CRLF3: variants seen among roughly 807,000 people sequenced by gnomAD.
CRLF3 encodes cytokine receptor-like factor 3.
In CRLF3, 33 loss-of-function variants were observed where a neutral mutation model predicts 55.0. The ratio of observed to expected loss-of-function variants is 0.60; its 90% CI spans 0.46 to 0.80. The LOEUF (loss-of-function observed/expected upper bound fraction) is 0.80, where lower values mean the gene tolerates loss of function less well. CRLF3 is among the 30% of genes least tolerant of loss of function. CRLF3 has a pLI of 0.00. For missense variants in CRLF3, 494 were observed against 538.4 expected, an observed-to-expected ratio of 0.92 and a Z score of 0.82; for synonymous variants, 238 against 196.8, an observed-to-expected ratio of 1.21 and a Z score of -1.75.
chr17:30,809,119 C>A (rs889528010), intron 1 of CRLF3, among the ~76,000 whole-genome samples: 1 of 152,286 alleles, frequency 6.6e-6, no homozygotes, highest in Admixed American at 6.5e-5. Flanking sequence ...AGAAAGAATT[C>A]AAAAGCTCCT....
At chr17:30,820,820 T>C (rs1444835325) in intron 1 of CRLF3, among the ~76,000 whole-genome samples, 3 of 94,922 alleles carry the variant, frequency 3.2e-5, no homozygotes, top group Admixed American at 1.2e-4. Flanking sequence ...AGCGAGACTC[T>C]CTCAAAAAAA....
chr17:30,793,598 T>G lies in CRLF3; in HGVS notation c.678A>C (p.Val226=). The change falls in exon 5 of 8, where the codon GTA becomes GTC. Residue 226 remains valine (V), a synonymous_variant. Coordinates refer to ENST00000324238, the MANE Select transcript of CRLF3 (RefSeq NM_015986.4). The part of the protein sequence containing the change: ...RKCTSNHFED[V]YVGSETEFIV... ...TGAATTCAGTTTCAGAACCTACATA[T>G]ACATCCTCAAAATGATTTGAAGTAC... 1.2e-6 allele frequency: 2 copies of G among 1,614,044 alleles called. No individual in the cohort carries two copies. Among genetic ancestry groups the G allele is most frequent in the South Asian group, 2.2e-5 (2 of 91,078 alleles).
chr17:30,824,297 G>A (rs1415913872), intron 1 of CRLF3, among the ~76,000 whole-genome samples: 2 of 151,704 alleles, frequency 1.3e-5, no homozygotes, highest in Non-Finnish European at 2.9e-5. Context: ...CCACAGTTTA[G>A]TGAACGCTCC....
Position 30,796,212 on chromosome 17 carries a change from T to A in CRLF3, c.551A>T (p.Gln184Leu). The A allele has an allele frequency of 6.2e-7, 1 of 1,613,990 alleles. No homozygotes were observed. Among genetic ancestry groups the A allele is most frequent in the Non-Finnish European group, 8.5e-7 (1 of 1,179,888 alleles). ...HGTVASRPPV[Q>L]IEELIEKPGG... The stretch of plus-strand genomic sequence containing the variant: ...AGGTTTCTCTATTAGTTCTTCTATC[T>A]GTACTGGTGGGCGAGATGCTACTGT... Residue 184 changes from glutamine to leucine, a missense_variant, in exon 4 of 8, where the codon CAG becomes CTG. Gln to Leu is a moderately radical substitution (Grantham distance 113, BLOSUM62 -2). Coordinates refer to ENST00000324238, the MANE Select transcript of CRLF3 (RefSeq NM_015986.4).
At chr17:30,807,910 A>G (rs1221532083) in intron 1 of CRLF3, among the ~76,000 whole-genome samples, 1 of 152,108 alleles carries the variant, frequency 6.6e-6, no homozygotes, top group Non-Finnish European at 1.5e-5. Flanking sequence ...GAAATCCTAA[A>G]TTAATTGTTA....
chr17:30,787,037 G>T (rs1142450), intron 6 of CRLF3, among the ~76,000 whole-genome samples: 2 of 152,112 alleles, frequency 1.3e-5, no homozygotes, highest in African/African-American at 4.8e-5. Flanking sequence ...GTTTCACCAT[G>T]TTGCTCAGGC....
chr17:30,790,220 T>G (rs1035286468), intron 6 of CRLF3, among the ~76,000 whole-genome samples: 1 of 152,126 alleles, frequency 6.6e-6, no homozygotes, highest in Admixed American at 6.6e-5. Flanking sequence ...CAAAAGGAAC[T>G]TGGGTCAAGC....
At chr17:30,801,083 ATTT>A (rs1555549022) in intron 2 of CRLF3, 2 of 145,738 alleles carry the variant, frequency 1.4e-5, no homozygotes, top group Non-Finnish European at 1.5e-5. Flanking sequence ...ACGCCTAGCT[ATTT>A]TTTTTTAAAA....
intron 1 of CRLF3, among the ~76,000 whole-genome samples, chr17:30,808,067 T>C (rs1025319696): frequency 1.3e-5 from 2 of 152,102 alleles, no homozygotes; most frequent in African/African-American, 4.8e-5. Flanking sequence ...CTCATCTACA[T>C]AGCATCTGGT....
At chr17:30,817,480 TATG>T (rs57231874) in intron 1 of CRLF3, among the ~76,000 whole-genome samples, 19,270 of 152,068 alleles carry the variant, frequency 0.13, 1,275 homozygotes, top group South Asian at 0.25. Flanking sequence ...TGTAAATGCT[TATG>T]ATGTTACCAA....
chr17:30,783,784 T>C lies in CRLF3; in HGVS notation c.*403A>G, dbSNP rs1971562959. 3.0e-5 allele frequency: 5 copies of C among 166,300 alleles called. No individual in the cohort carries two copies. In the South Asian group the frequency reaches 7.7e-4, roughly 26 times the overall value. 10.3% of individuals were successfully genotyped at this position (166,300 alleles called of 1,614,324 possible). A position where few individuals can be genotyped will look rare whatever the true frequency, so the allele number is the denominator to read the frequency against. ...AATACATTACACAGCTTCTTCTATC[T>C]GACCTATTCCTCTTGTTCTAAAGAG... On this transcript the variant is annotated 3_prime_UTR_variant, in exon 8 of 8. Transcript: ENST00000324238.
intron 1 of CRLF3, among the ~76,000 whole-genome samples, chr17:30,822,202 G>A (rs1366719790): frequency 1.3e-5 from 2 of 152,022 alleles, no homozygotes; most frequent in Non-Finnish European, 2.9e-5. Flanking sequence ...TGACTAAAGT[G>A]CCATATATTT....
At chr17:30,818,803 T>G (rs546819614) in intron 1 of CRLF3, among the ~76,000 whole-genome samples, 1 of 150,186 alleles carries the variant, frequency 6.7e-6, no homozygotes, top group East Asian at 2.0e-4. Context: ...GTCTTGGTTT[T>G]TTGAAATAAC....
At chr17:30,810,206 T>A (rs1214870510) in intron 1 of CRLF3, among the ~76,000 whole-genome samples, 1 of 152,218 alleles carries the variant, frequency 6.6e-6, no homozygotes, top group African/African-American at 2.4e-5. Context: ...TTTATGTTGA[T>A]CAATAATATT....
chr17:30,788,334 AAAAAG>A (rs576684013), intron 6 of CRLF3, among the ~76,000 whole-genome samples: 124 of 148,732 alleles, frequency 8.3e-4, no homozygotes, highest in East Asian at 7.4e-3. Flanking sequence ...TCAAAAAAAA[AAAAAG>A]AAAAGAAAAG....
chr17:30,806,389 T>G (rs992080015), intron 1 of CRLF3, among the ~76,000 whole-genome samples: 1 of 152,216 alleles, frequency 6.6e-6, no homozygotes, highest in African/African-American at 2.4e-5. Flanking sequence ...AGAAGAATCA[T>G]GTAGGCTACT....
rs562176228 is a variant in CRLF3 at position 30,796,244 on chromosome 17, C to G, written c.519G>C (p.Lys173Asn). 1.9e-6 allele frequency: 3 copies of G among 1,614,020 alleles called. No homozygotes were observed. The East Asian group carries it at 6.7e-5, about 36-fold the overall frequency. The stretch of plus-strand genomic sequence containing the variant: ...GTGGGCGAGATGCTACTGTTCCATG[C>G]TTAAAAATGTGGTCTTTCACTATGT... ...ILNIVKDHIF[K>N]HGTVASRPPV... Residue 173 changes from lysine to asparagine, a missense_variant, in exon 4 of 8, where the codon AAG (lysine) becomes AAC (asparagine). Lys to Asn is a moderately conservative substitution (Grantham distance 94). Transcript: ENST00000324238.
chr17:30,823,108 T>TA (rs199936233), intron 1 of CRLF3, among the ~76,000 whole-genome samples: 21,149 of 152,000 alleles, frequency 0.14, 1,611 homozygotes, highest in South Asian at 0.25. Flanking sequence ...CTCACGTCTG[T>TA]ATCCCAGCAC....
chr17:30,800,389 A>C (rs1971988338), intron 2 of CRLF3, among the ~76,000 whole-genome samples: 2 of 152,130 alleles, frequency 1.3e-5, no homozygotes, highest in Non-Finnish European at 2.9e-5. Context: ...TAAGCACCTC[A>C]AACTCACCAT....
Sources: allele counts gnomAD v4.1 joint callset (sites outside exome capture counted in the v4.1 genomes callset), GRCh38; gene constraint gnomAD v4.1.1; transcripts MANE v1.5; gene names NCBI Gene and HGNC (gene_info 2026-07-23, HGNC 2026-07-21).